Variants in CDNF observed in about 807,000 individuals in gnomAD.
The protein encoded by CDNF is ARMET-like protein 1.
A neutral mutation model predicts 14.8 loss-of-function variants in CDNF; 9 were observed. The observed-to-expected ratio is 0.61, with a 90% confidence interval of 0.37 to 1.06. The LOEUF is 1.06. Among genes scored for constraint, CDNF ranks in the 50% least tolerant of loss-of-function variants. The pLI, the probability that CDNF is intolerant of heterozygous loss-of-function variation, is 0.01. For missense variants in CDNF, 228 were observed against 228.4 expected, an observed-to-expected ratio of 1.00 and a Z score of 0.01; for synonymous variants, 86 against 87.2, an observed-to-expected ratio of 0.99 and a Z score of 0.07.
intron 1 of CDNF, among the ~76,000 whole-genome samples, chr10:14,830,833 T>C (rs1333218994): frequency 6.6e-6 from 1 of 151,854 alleles, no homozygotes; most frequent in Non-Finnish European, 1.5e-5. Flanking sequence ...GCGACAAGAG[T>C]GAAACTCCGT....
intron 1 of CDNF, among the ~76,000 whole-genome samples, chr10:14,832,843 C>CT (rs1355690838): frequency 9.0e-6 from 1 of 110,838 alleles, no homozygotes; most frequent in Non-Finnish European, 1.9e-5. Flanking sequence ...TCTAATCTTT[C>CT]TTTTTTTGCT....
At chr10:14,827,374 G>T (rs955292319) in intron 2 of CDNF, among the ~76,000 whole-genome samples, 11 of 152,146 alleles carry the variant, frequency 7.2e-5, no homozygotes, top group Non-Finnish European at 1.6e-4. Flanking sequence ...ATTGTCTTAA[G>T]TGATATAAAA....
chr10:14,826,029 G>GAGAAGAAGA (rs57619992), intron 2 of CDNF, among the ~76,000 whole-genome samples: 2,611 of 86,040 alleles, frequency 0.03, 79 homozygotes, highest in East Asian at 0.033. Flanking sequence ...GAAGAAGAAG[G>GAGAAGAAGA]AGAAGAAGAA....
At chr10:14,831,948 C>T (rs1833847611) in intron 1 of CDNF, among the ~76,000 whole-genome samples, 1 of 152,064 alleles carries the variant, frequency 6.6e-6, no homozygotes, top group South Asian at 2.1e-4. Context: ...ATGTTTTTAA[C>T]AAATATTTAC....
At chr10:14,824,117 A>G (rs1003096238) in intron 3 of CDNF, among the ~76,000 whole-genome samples, 2 of 152,250 alleles carry the variant, frequency 1.3e-5, no homozygotes, top group Non-Finnish European at 2.9e-5. Context: ...TACACTGGGT[A>G]TGTAATGCAT....
chr10:14,828,466 G>A (rs1833817727), intron 1 of CDNF, among the ~76,000 whole-genome samples, 194 bp from the exon 2 acceptor site: 3 of 151,800 alleles, frequency 2.0e-5, no homozygotes, highest in Admixed American at 2.0e-4. Context: ...GGCCAACATG[G>A]TGAAATCCTC....
At chr10:14,830,779 G>A (rs1833838172) in intron 1 of CDNF, among the ~76,000 whole-genome samples, 1 of 151,820 alleles carries the variant, frequency 6.6e-6, no homozygotes. Flanking sequence ...CCGGGAGGCG[G>A]AGGTTGCAGT....
intron 3 of CDNF, among the ~76,000 whole-genome samples, chr10:14,822,264 T>C (rs555067980): frequency 6.6e-6 from 1 of 152,342 alleles, no homozygotes; most frequent in Non-Finnish European, 1.5e-5. Flanking sequence ...TTTCGCTGTT[T>C]ATAGATTATG....
Position 14,828,856 on chromosome 10 carries a change from C to CA in CDNF, c.116-585dup, listed in dbSNP as rs564153134. 2.6e-3 allele frequency among the ~76,000 whole-genome samples: 398 copies of CA among 151,216 alleles called. 1 individual carries two copies. Among genetic ancestry groups the CA allele is most frequent in the African/African-American group, 9.2e-3 (378 of 41,192 alleles). ...CCTTGTCTCTACTAAAAAAAAAACA[C>CA]AAAAAAACAAAAACAAAAAAACACC... is the stretch of plus-strand genomic sequence containing the variant. On this transcript the variant is annotated intron_variant, in intron 1 of 3. Coordinates refer to ENST00000465530, the MANE Select transcript of CDNF (RefSeq NM_001029954.3).
chr10:14,820,829 G>A (rs1310272014), intron 3 of CDNF, among the ~76,000 whole-genome samples: 1 of 152,172 alleles, frequency 6.6e-6, no homozygotes. Flanking sequence ...TGTAATCCCC[G>A]CTGTTGGAGG....
intron 1 of CDNF, among the ~76,000 whole-genome samples, chr10:14,831,489 A>C (rs1230352722): frequency 6.7e-6 from 1 of 149,674 alleles, no homozygotes; most frequent in Non-Finnish European, 1.5e-5. Flanking sequence ...ATACACACAC[A>C]TATATATACT....
rs71505046 is a variant in CDNF, at chr10:14,826,095, AAGCAGCAGCAGCAGC to A, written c.244-490_244-476del. On this transcript the variant is annotated intron_variant, in intron 2 of 3. Transcript: ENST00000465530. The stretch of plus-strand genomic sequence containing the variant: ...GAAGAAGAAGAAGAAGAAGAAGAAG[AAGCAGCAGCAGCAGC>A]AGCAGCAGCAGCAGAAGCAGGAGAA... Among the ~76,000 whole-genome samples, 12 of 87,540 alleles carry A rather than the reference AAGCAGCAGCAGCAGC, an allele frequency of 1.4e-4. 1 individual carries two copies. The highest frequency in any genetic ancestry group is 5.6e-4 in the African/African-American group (11 of 19,768). 57.4% of individuals were successfully genotyped at this position (87,540 alleles called of 152,430 possible).
intron 2 of CDNF, among the ~76,000 whole-genome samples, chr10:14,826,042 AG>A (rs1936419541): frequency 9.9e-6 from 1 of 100,678 alleles, no homozygotes; most frequent in South Asian, 3.9e-4. Flanking sequence ...AAGAAGAAGA[AG>A]AAGAAGAAGA....
intron 1 of CDNF, among the ~76,000 whole-genome samples, chr10:14,832,131 T>G (rs138121415): frequency 6.6e-6 from 1 of 152,346 alleles, no homozygotes; most frequent in Admixed American, 6.5e-5. Flanking sequence ...AGTACGATTC[T>G]TAATGGATTG....
chr10:14,826,963 C>T (rs1213634422), intron 2 of CDNF, among the ~76,000 whole-genome samples: 1 of 151,074 alleles, frequency 6.6e-6, no homozygotes, highest in Non-Finnish European at 1.5e-5. Context: ...CACCTGTAAT[C>T]CCAGCACTTT....
chr10:14,820,069 T>C lies in CDNF; in HGVS notation c.475A>G (p.Arg159Gly). The C allele has an allele frequency of 6.2e-7, 1 of 1,614,192 alleles. No individual in the cohort carries two copies. The highest frequency in any genetic ancestry group is 8.5e-7 in the Non-Finnish European group (1 of 1,180,028). ...TAGTCAGTTTTTTCTGCACAGGCCCTGCACTCCTCCCCCCAGCTATGCAGG... is the reference window on the plus strand; with the variant it reads ...TAGTCAGTTTTTTCTGCACAGGCCCCGCACTCCTCCCCCCAGCTATGCAGG... ...QILHSWGEEC[R>G]ACAEKTDYVN... The change falls in exon 4 of 4, where the codon AGG becomes GGG. Residue 159 changes from arginine (R) to glycine (G), a missense_variant. By Grantham distance (125) the Arg-to-Gly change is moderately radical (BLOSUM62 -2). Transcript: ENST00000465530.
intron 1 of CDNF, chr10:14,836,223 G>T (rs1460868770): frequency 6.6e-6 from 1 of 152,166 alleles, no homozygotes; most frequent in Admixed American, 6.5e-5. Context: ...TAATAGAGCT[G>T]GATGCAGAAT....
chr10:14,823,555 T>A (rs958813039), intron 3 of CDNF, among the ~76,000 whole-genome samples: 2 of 152,162 alleles, frequency 1.3e-5, no homozygotes, highest in East Asian at 3.8e-4. Flanking sequence ...CAGATGGGGT[T>A]TCACTCTGCC....
At chr10:14,835,172 G>A (rs536656286) in intron 1 of CDNF, among the ~76,000 whole-genome samples, 1 of 152,316 alleles carries the variant, frequency 6.6e-6, no homozygotes, top group East Asian at 1.9e-4. Context: ...ATGTTCACTA[G>A]TCAATTGGAT....
Sources: allele counts gnomAD v4.1 joint callset (sites outside exome capture counted in the v4.1 genomes callset), GRCh38; gene constraint gnomAD v4.1.1; transcripts MANE v1.5; gene names NCBI Gene and HGNC (gene_info 2026-07-23, HGNC 2026-07-21).